CNTN1: variants seen among roughly 807,000 people sequenced by gnomAD.
The protein encoded by CNTN1 is contactin-1.
In CNTN1, 38 loss-of-function variants were observed where a neutral mutation model predicts 126.4. That is an observed-to-expected ratio of 0.30 (90% confidence interval 0.23 to 0.39). The LOEUF is 0.39. Among genes scored for constraint, CNTN1 ranks in the 10% least tolerant of loss-of-function variants. The pLI, the probability that CNTN1 is intolerant of heterozygous loss-of-function variation, is 1.00. For missense variants in CNTN1, 1,009 were observed against 1,248.4 expected, an observed-to-expected ratio of 0.81 and a Z score of 2.89; for synonymous variants, 413 against 422.6, an observed-to-expected ratio of 0.98 and a Z score of 0.28.
At chr12:40,834,330 T>G (rs868654556) in intron 1 of CNTN1, among the ~76,000 whole-genome samples, 2 of 152,200 alleles carry the variant, frequency 1.3e-5, no homozygotes, top group African/African-American at 2.4e-5. Context: ...TGCTCCTAGA[T>G]TGCATTATAA....
intron 1 of CNTN1, among the ~76,000 whole-genome samples, chr12:40,854,017 C>G (rs575446160): frequency 6.1e-5 from 9 of 148,508 alleles, no homozygotes; most frequent in African/African-American, 2.2e-4. Flanking sequence ...ACTTCTTTTA[C>G]AGCATCCTAG....
chr12:40,710,290 C>T (rs1410092999), intron 1 of CNTN1, among the ~76,000 whole-genome samples: 1 of 152,002 alleles, frequency 6.6e-6, no homozygotes, highest in Non-Finnish European at 1.5e-5. Flanking sequence ...AGGAATTAGC[C>T]CTTGGTGGAG....
chr12:40,814,457 T>G (rs2136512537), intron 1 of CNTN1, among the ~76,000 whole-genome samples: 1 of 152,356 alleles, frequency 6.6e-6, no homozygotes, highest in Middle Eastern at 3.4e-3. Context: ...TAGGAGATCC[T>G]TTCCCCATTG....
chr12:40,825,986 G>T (rs1305386439), intron 1 of CNTN1, among the ~76,000 whole-genome samples: 5 of 152,124 alleles, frequency 3.3e-5, no homozygotes, highest in Non-Finnish European at 7.4e-5. Context: ...ATGGAGATTT[G>T]TATGTGAGAA....
chr12:40,810,498 C>A (rs2136503177), intron 1 of CNTN1, among the ~76,000 whole-genome samples: 2 of 152,244 alleles, frequency 1.3e-5, no homozygotes, highest in Middle Eastern at 3.4e-3. Context: ...ATTCATCTTA[C>A]AACTGCCACG....
intron 23 of CNTN1, among the ~76,000 whole-genome samples, chr12:41,059,508 C>T (rs961888677): frequency 3.7e-4 from 57 of 152,108 alleles, no homozygotes; most frequent in African/African-American, 1.3e-3. Flanking sequence ...TATGAAGCAG[C>T]CAGGATGTAG....
intron 1 of CNTN1, among the ~76,000 whole-genome samples, chr12:40,726,276 T>C (rs758825938): frequency 6.6e-6 from 1 of 152,106 alleles, no homozygotes; most frequent in Non-Finnish European, 1.5e-5. Context: ...ATAGTACATA[T>C]GAAGAAATTT....
At chr12:40,707,283 C>T (rs1352641571) in intron 1 of CNTN1, among the ~76,000 whole-genome samples, 1 of 131,096 alleles carries the variant, frequency 7.6e-6, no homozygotes, top group African/African-American at 3.1e-5. Flanking sequence ...GAGTCTCGCT[C>T]CATCGCCCAG....
At chr12:40,778,214 C>T (rs1360067470) in intron 1 of CNTN1, among the ~76,000 whole-genome samples, 1 of 151,854 alleles carries the variant, frequency 6.6e-6, no homozygotes, top group Non-Finnish European at 1.5e-5. Flanking sequence ...ATCTTGGCTT[C>T]ACCATTTCCA....
Position 40,757,747 on chromosome 12 carries a change from T to A in CNTN1, c.-77+65155T>A, listed in dbSNP as rs189538140. Among the ~76,000 whole-genome samples, 181 of 152,298 alleles carry A rather than the reference T, an allele frequency of 1.2e-3. 3 individuals are homozygous for A. The highest frequency in any genetic ancestry group is 4.0e-3 in the African/African-American group (168 of 41,574). Reference sequence around the variant, plus strand: ...ATTCTTTTAGAAACCAGGGTGAGCATGAATTGAAAATCTCATTGGTAAGAA... The same window carrying A: ...ATTCTTTTAGAAACCAGGGTGAGCAAGAATTGAAAATCTCATTGGTAAGAA... On this transcript the variant is annotated intron_variant, in intron 1 of 23. Transcript: ENST00000551295.
intron 1 of CNTN1, among the ~76,000 whole-genome samples, chr12:40,788,404 C>T (rs1940106625): frequency 6.6e-6 from 1 of 152,068 alleles, no homozygotes; most frequent in African/African-American, 2.4e-5. Flanking sequence ...GTAGCCAGGA[C>T]AGGAAAGGCT....
At chr12:40,961,465 T>C (rs1172806985) in intron 15 of CNTN1, among the ~76,000 whole-genome samples, 1 of 152,030 alleles carries the variant, frequency 6.6e-6, no homozygotes, top group Non-Finnish European at 1.5e-5. Context: ...GTATAAGACA[T>C]GCCCTGCCTT....
At chr12:40,783,084 G>A (rs927451165) in intron 1 of CNTN1, among the ~76,000 whole-genome samples, 2 of 151,932 alleles carry the variant, frequency 1.3e-5, no homozygotes, top group African/African-American at 4.8e-5. Context: ...AGAACAATAT[G>A]AGTTTGGTCT....
At position 40,871,186 on chromosome 12, in the gene CNTN1, GAAAAAAAAAAAA is replaced by G. The variant is rs201485882; in HGVS notation, c.-76-37154_-76-37143del. 4.8e-4 allele frequency among the ~76,000 whole-genome samples: 54 copies of G among 113,554 alleles called. No homozygotes were observed. In the East Asian group the frequency reaches 0.016, roughly 33 times the overall value. 74.5% of individuals were successfully genotyped at this position (113,554 alleles called of 152,430 possible). ...AGTAGTGACTTGGATCTGTTACAGA[GAAAAAAAAAAAA>G]AAAAAAAAAAAAAAAACAGAAGAAG... On this transcript the variant is annotated intron_variant, in intron 1 of 23. Transcript: ENST00000551295.
chr12:40,958,357 G>C (rs949004710), intron 14 of CNTN1, among the ~76,000 whole-genome samples: 1 of 147,434 alleles, frequency 6.8e-6, no homozygotes, highest in African/African-American at 2.5e-5. Flanking sequence ...ATATATGTGT[G>C]TGTGTGTGTG....
Position 41,044,342 on chromosome 12 carries a change from A to T in CNTN1, c.2980+15123A>T, listed in dbSNP as rs1447789918. On this transcript the variant is annotated intron_variant, in intron 23 of 23. Transcript: ENST00000551295. ...TAAATTGCCAAGGATTATGTCAATAAGTTGAGTTGTAAGAATTCTGGTGCA... is the reference window on the plus strand; with the variant it reads ...TAAATTGCCAAGGATTATGTCAATATGTTGAGTTGTAAGAATTCTGGTGCA... Among the ~76,000 whole-genome samples the T allele has an allele frequency of 2.0e-5, 3 of 152,122 alleles. No homozygotes were observed. In the East Asian group the frequency reaches 5.8e-4, roughly 29 times the overall value.
At chr12:40,940,591 A>T (rs1946234241) in intron 12 of CNTN1, among the ~76,000 whole-genome samples, 1 of 152,164 alleles carries the variant, frequency 6.6e-6, no homozygotes, top group Non-Finnish European at 1.5e-5. Flanking sequence ...ACCTTCTGCA[A>T]AAATATATTC....
At chr12:40,952,665 G>A (rs147217698) in intron 14 of CNTN1, among the ~76,000 whole-genome samples, 6 of 151,926 alleles carry the variant, frequency 3.9e-5, no homozygotes, top group Admixed American at 2.0e-4. Flanking sequence ...AAGTCAGTTC[G>A]CATGTATATT....
intron 16 of CNTN1, among the ~76,000 whole-genome samples, chr12:40,991,873 C>T (rs1037542649): frequency 5.9e-5 from 9 of 152,110 alleles, no homozygotes; most frequent in African/African-American, 9.7e-5. Flanking sequence ...CCTTACTCAG[C>T]GTTATCAGTT....
Sources: allele counts gnomAD v4.1 joint callset (sites outside exome capture counted in the v4.1 genomes callset), GRCh38; gene constraint gnomAD v4.1.1; transcripts MANE v1.5; gene names NCBI Gene and HGNC (gene_info 2026-07-23, HGNC 2026-07-21).